The following DOCK1 variants were observed in gnomAD, a reference collection of about 807,000 sequenced individuals.
The protein encoded by DOCK1 is dedicator of cytokinesis protein 1.
A neutral mutation model predicts 262.7 loss-of-function variants in DOCK1; 138 were observed. The observed-to-expected ratio is 0.53, with a 90% CI of 0.46 to 0.61. The LOEUF is 0.61. Among genes scored for constraint, DOCK1 ranks in the 20% least tolerant of loss-of-function variants. DOCK1 has a pLI of 0.00. For synonymous variants in DOCK1, 866 were observed against 867.4 expected, an observed-to-expected ratio of 1.00 and a Z score of 0.03; for missense variants, 1,908 against 2,370.7, an observed-to-expected ratio of 0.80 and a Z score of 4.05.
At chr10:127,283,610 C>G (rs767483721) in intron 29 of DOCK1, among the ~76,000 whole-genome samples, 1 of 152,208 alleles carries the variant, frequency 6.6e-6, no homozygotes, top group Non-Finnish European at 1.5e-5. Flanking sequence ...TACATGCATA[C>G]TTTATTCTTT....
At chr10:126,937,764 AT>A in intron 1 of DOCK1, among the ~76,000 whole-genome samples, 2 of 152,094 alleles carry the variant, frequency 1.3e-5, no homozygotes, top group African/African-American at 4.8e-5. Flanking sequence ...TGGATATAGG[AT>A]TTGGAAATAT....
At chr10:127,154,841 G>T (rs1429641041) in intron 27 of DOCK1, among the ~76,000 whole-genome samples, 1 of 152,186 alleles carries the variant, frequency 6.6e-6, no homozygotes, top group Non-Finnish European at 1.5e-5. Flanking sequence ...AAGGGTTGAT[G>T]ATGAGAATTT....
chr10:127,380,146 G>T (rs747779641), intron 36 of DOCK1, 24 bp downstream of exon 36: 2 of 1,435,834 alleles, frequency 1.4e-6, no homozygotes, highest in Non-Finnish European at 9.4e-7. Context: ...ACGCTTGTCT[G>T]CATGTTAATT....
chr10:127,358,977 G>A (rs2064279955), intron 32 of DOCK1, among the ~76,000 whole-genome samples: 1 of 152,192 alleles, frequency 6.6e-6, no homozygotes, highest in Non-Finnish European at 1.5e-5. Flanking sequence ...GGCAAGGACT[G>A]GAAGTAAAAT....
chr10:126,921,709 G>A (rs1445385950), intron 1 of DOCK1, among the ~76,000 whole-genome samples: 1 of 152,128 alleles, frequency 6.6e-6, no homozygotes, highest in Non-Finnish European at 1.5e-5. Flanking sequence ...CTGGAGTGCA[G>A]TGGCGCGATC....
At chr10:127,246,241 A>G (rs1429313985) in intron 27 of DOCK1, among the ~76,000 whole-genome samples, 1 of 152,232 alleles carries the variant, frequency 6.6e-6, no homozygotes, top group Non-Finnish European at 1.5e-5. Flanking sequence ...GTCCTAGAGT[A>G]CAGCCTCCAC....
chr10:127,201,379 G>C (rs934119430), intron 27 of DOCK1, among the ~76,000 whole-genome samples: 1 of 152,176 alleles, frequency 6.6e-6, no homozygotes, highest in African/African-American at 2.4e-5. Context: ...TGAGGTGCTG[G>C]TCCATGTTCC....
At chr10:127,330,976 C>G (rs2062953140) in intron 29 of DOCK1, among the ~76,000 whole-genome samples, 1 of 152,198 alleles carries the variant, frequency 6.6e-6, no homozygotes, top group Non-Finnish European at 1.5e-5. Context: ...CCTCCTTCGA[C>G]TGGCCAGAGC....
Position 127,248,071 on chromosome 10 carries a change from T to C in DOCK1, c.2911T>C (p.Leu971=). 6.2e-7 allele frequency: 1 copy of C among 1,614,050 alleles called. No individual in the cohort carries two copies. The highest frequency in any genetic ancestry group is 8.5e-7 in the Non-Finnish European group (1 of 1,179,898). The part of the protein sequence containing the change: ...RQMEDYHYAH[L]IKTFGKMRTD... ...AATGGAAGATTACCATTATGCCCAC[T>C]TGATCAAGACTTTTGGGAAAATGAG... is the stretch of plus-strand genomic sequence containing the variant. Residue 971 remains leucine (L), a synonymous_variant, in exon 28 of 52, where the codon TTG becomes CTG. Coordinates refer to ENST00000623213, the MANE Select transcript of DOCK1 (RefSeq NM_001290223.2).
In DOCK1 at chr10:127,380,057, A is replaced by G. The variant is rs2065741917; in HGVS notation, c.3676-25A>G. The G allele has an allele frequency of 2.1e-6, 3 of 1,443,054 alleles. No homozygotes were observed. The African/African-American group carries it at 4.2e-5, about 20-fold the overall frequency. 89.4% of individuals were successfully genotyped at this position (1,443,054 alleles called of 1,614,324 possible). A position where few individuals can be genotyped will look rare whatever the true frequency, so the allele number is the denominator to read the frequency against. On this transcript the variant is annotated intron_variant, in intron 35 of 51. Transcript: ENST00000623213. Reference sequence around the variant, plus strand: ...CCTTTTGTGGAACAGATTTCTTAAAACAGTATTATGGTTTAACTTTTCAGA... The same window carrying G: ...CCTTTTGTGGAACAGATTTCTTAAAGCAGTATTATGGTTTAACTTTTCAGA...
chr10:127,107,256 CTAAATA>C (rs1210324547), intron 24 of DOCK1, among the ~76,000 whole-genome samples: 6 of 152,142 alleles, frequency 3.9e-5, no homozygotes, highest in Admixed American at 2.0e-4. Flanking sequence ...TGAAGCCCTC[CTAAATA>C]TTAGTAAAGG....
At chr10:127,263,058 A>G (rs2060230824) in intron 29 of DOCK1, among the ~76,000 whole-genome samples, 1 of 152,212 alleles carries the variant, frequency 6.6e-6, no homozygotes, top group Admixed American at 6.5e-5. Flanking sequence ...AGAGAGTGTT[A>G]GGAGTTTTTG....
At chr10:127,292,326 A>G (rs7917807) in intron 29 of DOCK1, among the ~76,000 whole-genome samples, 41,300 of 152,048 alleles carry the variant, frequency 0.27, 6,622 homozygotes, top group African/African-American at 0.45. Flanking sequence ...CTGGGCCCTA[A>G]GACCTTAGTG....
At chr10:126,994,008 A>G (rs2039992612) in intron 6 of DOCK1, among the ~76,000 whole-genome samples, 1 of 152,210 alleles carries the variant, frequency 6.6e-6, no homozygotes, top group African/African-American at 2.4e-5. Flanking sequence ...GAAATTTATC[A>G]TTCTTTCAAA....
At chr10:126,951,851 C>CGTTT (rs2036278262) in intron 1 of DOCK1, among the ~76,000 whole-genome samples, 1 of 86,544 alleles carries the variant, frequency 1.2e-5, no homozygotes, top group South Asian at 3.5e-4. Flanking sequence ...TCAGCCTCTT[C>CGTTT]ATTTTTTTTT....
At chr10:127,210,979 T>C (rs2057948419) in intron 27 of DOCK1, among the ~76,000 whole-genome samples, 3 of 152,234 alleles carry the variant, frequency 2.0e-5, no homozygotes, top group Admixed American at 1.3e-4. Flanking sequence ...CATTTTGTTG[T>C]ACTTTATTAT....
chr10:127,266,059 C>T (rs1261222166), intron 29 of DOCK1, among the ~76,000 whole-genome samples: 6 of 152,262 alleles, frequency 3.9e-5, no homozygotes, highest in Non-Finnish European at 5.9e-5. Flanking sequence ...TTAGTGCCCA[C>T]GTGCAGGGGG....
intron 2 of DOCK1, among the ~76,000 whole-genome samples, chr10:126,974,132 T>C (rs1226553015): frequency 6.6e-6 from 1 of 152,040 alleles, no homozygotes; most frequent in East Asian, 1.9e-4. Context: ...ATGTCCTACC[T>C]CCAGATAGGA....
intron 27 of DOCK1, among the ~76,000 whole-genome samples, chr10:127,184,313 T>TC (rs112656641): frequency 0.085 from 12,683 of 148,362 alleles, 1,695 homozygotes; most frequent in African/African-American, 0.28. Flanking sequence ...CTCAATTCAT[T>TC]CCCCCCCCAG....
Sources: gnomAD v4.1 joint callset for allele counts (sites outside exome capture counted in the v4.1 genomes callset) on GRCh38, gnomAD v4.1.1 for gene constraint, MANE v1.5 for transcripts, NCBI Gene and HGNC (gene_info 2026-07-23, HGNC 2026-07-21) for gene names.